The following CAMK1D variants were observed in gnomAD, a reference collection of about 807,000 sequenced individuals.
CAMK1D encodes calcium/calmodulin dependent protein kinase ID.
CAMK1D carries 9 observed loss-of-function variants against 47.7 expected under a neutral mutation model. That is an observed-to-expected ratio of 0.19 (90% CI 0.11 to 0.33). The LOEUF is 0.33. CAMK1D is among the 10% of genes least tolerant of loss of function. The pLI, the probability that CAMK1D is intolerant of heterozygous loss-of-function variation, is 1.00. For missense variants in CAMK1D, 291 were observed against 488.7 expected (o/e 0.60, Z 3.81); for synonymous variants, 184 against 184.9 (o/e 0.99, Z 0.04).
In CAMK1D at chr10:12,427,812, A is replaced by G. The variant is rs192352145; in HGVS notation, c.92+77902A>G. Among the ~76,000 whole-genome samples the G allele has an allele frequency of 4.5e-3, 643 of 142,742 alleles. 7 individuals are homozygous for G. In the East Asian group the frequency reaches 0.064, roughly 14 times the overall value. 93.6% of individuals were successfully genotyped at this position (142,742 alleles called of 152,430 possible). ...AACCTTTTCCTCCCGGGTTCAAGCG[A>G]TTCTCCTGCCTCAGCCTCCTGAGTA... On this transcript the variant is annotated intron_variant, in intron 1 of 10. Transcript: ENST00000619168.
intron 1 of CAMK1D, among the ~76,000 whole-genome samples, chr10:12,377,463 G>A (rs1403195501): frequency 3.3e-5 from 5 of 152,138 alleles, no homozygotes; most frequent in Admixed American, 3.3e-4. Flanking sequence ...GATATTCTTT[G>A]ACTTGAAGCT....
At chr10:12,506,156 T>C (rs1011441094) in intron 1 of CAMK1D, among the ~76,000 whole-genome samples, 1 of 152,140 alleles carries the variant, frequency 6.6e-6, no homozygotes, top group Non-Finnish European at 1.5e-5. Flanking sequence ...TAGTGGCTCA[T>C]GCCTGTAATC....
Position 12,595,027 on chromosome 10 carries a change from T to C in CAMK1D, c.224+41671T>C, listed in dbSNP as rs144948932. 3.9e-5 allele frequency among the ~76,000 whole-genome samples: 6 copies of C among 151,970 alleles called. No homozygotes were observed. The East Asian group carries it at 1.2e-3, about 29-fold the overall frequency. On this transcript the variant is annotated intron_variant, in intron 2 of 10. Coordinates refer to ENST00000619168, the MANE Select transcript of CAMK1D (RefSeq NM_153498.4). ...GAAGGAGACTCACTCCATGCTGAGG[T>C]TCCAGGCATGATCTTCAAGGTGATC...
intron 3 of CAMK1D, among the ~76,000 whole-genome samples, chr10:12,703,314 G>T (rs1833597025): frequency 6.6e-6 from 1 of 152,304 alleles, no homozygotes; most frequent in Admixed American, 6.5e-5. Context: ...ATGGAGTCGG[G>T]TGAAAGATTG....
chr10:12,454,660 G>A (rs1158176928), intron 1 of CAMK1D, among the ~76,000 whole-genome samples: 2 of 151,588 alleles, frequency 1.3e-5, no homozygotes, highest in Non-Finnish European at 2.9e-5. Context: ...ATGGAGTCTC[G>A]CTGTGTTCCC....
At chr10:12,752,181 C>T (rs2130880298) in intron 3 of CAMK1D, among the ~76,000 whole-genome samples, 1 of 152,164 alleles carries the variant, frequency 6.6e-6, no homozygotes, top group Non-Finnish European at 1.5e-5. Context: ...TGGGATTTCA[C>T]CATGTTGGCC....
intron 3 of CAMK1D, among the ~76,000 whole-genome samples, chr10:12,692,045 G>A (rs1832951147): frequency 6.6e-6 from 1 of 152,074 alleles, no homozygotes; most frequent in Admixed American, 6.6e-5. Context: ...TTAACGACCT[G>A]GCAGCTTCTG....
intron 1 of CAMK1D, among the ~76,000 whole-genome samples, chr10:12,369,337 T>A (rs1206628799): frequency 6.6e-6 from 1 of 152,176 alleles, no homozygotes; most frequent in African/African-American, 2.4e-5. Context: ...ATGGATTGAG[T>A]CTACTCCATG....
chr10:12,803,590 G>A (rs776714458), intron 6 of CAMK1D, among the ~76,000 whole-genome samples: 1 of 152,146 alleles, frequency 6.6e-6, no homozygotes, highest in Non-Finnish European at 1.5e-5. Flanking sequence ...AGGAGGCAGA[G>A]GTTGCAGTGA....
At chr10:12,799,513 A>C (rs1487199806) in intron 6 of CAMK1D, among the ~76,000 whole-genome samples, 1 of 152,240 alleles carries the variant, frequency 6.6e-6, no homozygotes, top group East Asian at 1.9e-4. Context: ...AAGCTGCAGA[A>C]ATCTAACTTG....
chr10:12,576,884 C>G (rs146070018), intron 2 of CAMK1D, among the ~76,000 whole-genome samples: 2 of 152,262 alleles, frequency 1.3e-5, no homozygotes, highest in East Asian at 3.9e-4. Flanking sequence ...AGTGAGCACA[C>G]CTGCATGCCG....
At chr10:12,744,541 G>C (rs1338538701) in intron 3 of CAMK1D, among the ~76,000 whole-genome samples, 1 of 152,088 alleles carries the variant, frequency 6.6e-6, no homozygotes, top group Non-Finnish European at 1.5e-5. Context: ...ATCCTAGTGT[G>C]TGTGAAGCAG....
intron 2 of CAMK1D, among the ~76,000 whole-genome samples, chr10:12,587,020 T>C (rs1172461122): frequency 6.6e-6 from 1 of 152,138 alleles, no homozygotes; most frequent in African/African-American, 2.4e-5. Flanking sequence ...ATGGTTGTGT[T>C]TTCTTGGTTA....
chr10:12,477,118 G>C (rs1346335850), intron 1 of CAMK1D, among the ~76,000 whole-genome samples: 1 of 152,040 alleles, frequency 6.6e-6, no homozygotes, highest in African/African-American at 2.4e-5. Flanking sequence ...CAGGTCACAA[G>C]AAGAAGAGAA....
At chr10:12,622,898 C>A (rs1588700090) in intron 2 of CAMK1D, among the ~76,000 whole-genome samples, 1 of 151,972 alleles carries the variant, frequency 6.6e-6, no homozygotes, top group Non-Finnish European at 1.5e-5. Flanking sequence ...CCACAACAGT[C>A]AAGGCTTGTG....
At chr10:12,774,791 G>A (rs572161450) in intron 5 of CAMK1D, among the ~76,000 whole-genome samples, 2 of 152,230 alleles carry the variant, frequency 1.3e-5, no homozygotes, top group Admixed American at 6.5e-5. Flanking sequence ...ATCTGTGCCC[G>A]CAAGAGATTT....
intron 1 of CAMK1D, among the ~76,000 whole-genome samples, chr10:12,514,139 C>T (rs932090331): frequency 1.3e-5 from 2 of 152,108 alleles, no homozygotes; most frequent in South Asian, 2.1e-4. Context: ...TGGAGTGCGG[C>T]GTGGCAGTGG....
intron 5 of CAMK1D, among the ~76,000 whole-genome samples, chr10:12,789,795 A>C (rs17152263): frequency 0.078 from 9,685 of 124,054 alleles, 325 homozygotes; most frequent in Middle Eastern, 0.1. Context: ...CCTAACTCAG[A>C]ATCCAACAAG....
At chr10:12,423,578 C>T (rs535065421) in intron 1 of CAMK1D, among the ~76,000 whole-genome samples, 10 of 152,288 alleles carry the variant, frequency 6.6e-5, no homozygotes, top group African/African-American at 1.7e-4. Flanking sequence ...CTATTACCTC[C>T]GGCTCCTGTG....
Sources: gnomAD v4.1 joint callset for allele counts (sites outside exome capture counted in the v4.1 genomes callset) on GRCh38, gnomAD v4.1.1 for gene constraint, MANE v1.5 for transcripts, NCBI Gene and HGNC (gene_info 2026-07-23, HGNC 2026-07-21) for gene names.